CCDC88C: variants seen among roughly 807,000 people sequenced by gnomAD.
CCDC88C encodes protein Daple.
Under a neutral mutation model 198.8 loss-of-function variants are expected in CCDC88C, and 131 were observed. That is an observed-to-expected ratio of 0.66 (90% CI 0.57 to 0.76). The LOEUF is 0.76. Ranked by LOEUF, CCDC88C falls within the 30% of genes least tolerant of loss-of-function variation. The pLI, the probability that CCDC88C is intolerant of heterozygous loss-of-function variation, is 0.00. For missense variants in CCDC88C, 2,553 were observed against 2,631.6 expected, an observed-to-expected ratio of 0.97 and a Z score of 0.65; for synonymous variants, 1,166 against 1,114.7, an observed-to-expected ratio of 1.05 and a Z score of -0.92.
At chr14:91,314,759 A>G (rs904054618) in intron 14 of CCDC88C, among the ~76,000 whole-genome samples, 1 of 152,224 alleles carries the variant, frequency 6.6e-6, no homozygotes, top group Non-Finnish European at 1.5e-5. Context: ...ACATCTGGGC[A>G]GGGCCCTGTC....
Position 91,289,184 on chromosome 14 carries a change from C to T in CCDC88C, c.4362G>A (p.Gln1454=). The change falls in exon 25 of 30, where the codon CAG becomes CAA. Residue 1454 remains glutamine (Q), a synonymous_variant. Coordinates refer to ENST00000389857, the MANE Select transcript of CCDC88C (RefSeq NM_001080414.4). ...GTGCGGGGGTGTCGGGGTTCTCGGC[C>T]TGTGATCTGAGCGGCTGAGAGGCCG... The part of the protein sequence containing the change: ...SPAASQPLRS[Q]AENPDTPALG... The T allele has an allele frequency of 6.2e-7, 1 of 1,613,960 alleles. No homozygotes were observed. Among genetic ancestry groups the T allele is most frequent in the Non-Finnish European group, 8.5e-7 (1 of 1,179,888 alleles).
At chr14:91,384,469 T>C (rs1885003351) in intron 3 of CCDC88C, 1 of 525,654 alleles carries the variant, frequency 1.9e-6, no homozygotes, top group Non-Finnish European at 3.9e-6. Context: ...TGGGTCATAG[T>C]CTGGATCATT....
chr14:91,376,999 CT>C (rs1422411212), intron 3 of CCDC88C, among the ~76,000 whole-genome samples: 47 of 151,998 alleles, frequency 3.1e-4, no homozygotes, highest in South Asian at 1.3e-3. Flanking sequence ...CCCGCCCCCC[CT>C]CCCTAACCAA....
chr14:91,303,844 G>C lies in CCDC88C; in HGVS notation c.3492C>G (p.Tyr1164Ter). Residue 1164 changes from tyrosine (Y) to a stop codon, truncating the protein, a stop_gained, in exon 20 of 30, where the codon TAC (tyrosine) becomes TAG (stop). Transcript: ENST00000389857. LOFTEE classifies it high-confidence loss of function. ...QRQQEQLTAA[Y>*]EALLQDHEHL... ...GCTCGTGGTCCTGCAGCAGGGCCTC[G>C]TAGGCCGCTGTAAGTTGCTCCTGCT... The C allele has an allele frequency of 1.2e-6, 2 of 1,613,166 alleles. No individual in the cohort carries two copies. The highest frequency in any genetic ancestry group is 1.7e-6 in the Non-Finnish European group (2 of 1,179,892).
intron 10 of CCDC88C, among the ~76,000 whole-genome samples, chr14:91,335,725 A>G (rs1893019981): frequency 6.6e-6 from 1 of 152,186 alleles, no homozygotes; most frequent in Admixed American, 6.5e-5. Flanking sequence ...AGGCAAAGTC[A>G]CTCACAATCG....
intron 24 of CCDC88C, 79 bp downstream of exon 24, chr14:91,290,916 G>T: frequency 2.4e-6 from 2 of 847,624 alleles, no homozygotes; most frequent in South Asian, 1.5e-5. Context: ...GCCTGCCCTA[G>T]ATGGCTGCTT....
chr14:91,367,484 G>A (rs1389283576), intron 3 of CCDC88C, among the ~76,000 whole-genome samples: 1 of 152,196 alleles, frequency 6.6e-6, no homozygotes, highest in Non-Finnish European at 1.5e-5. Context: ...CTTCCCTGGT[G>A]CCCAAAGCCG....
intron 13 of CCDC88C, among the ~76,000 whole-genome samples, chr14:91,319,846 C>A (rs1187600159): frequency 6.6e-6 from 1 of 151,724 alleles, no homozygotes; most frequent in Non-Finnish European, 1.5e-5. Flanking sequence ...GCCAACATGG[C>A]AAAACCCCGT....
chr14:91,313,920 C>A lies in CCDC88C; in HGVS notation c.1896G>T (p.Lys632Asn), dbSNP rs1444718839. 1 of 1,612,468 alleles carries A rather than the reference C, an allele frequency of 6.2e-7. No individual in the cohort carries two copies. Among genetic ancestry groups the A allele is most frequent in the Non-Finnish European group, 8.5e-7 (1 of 1,179,816 alleles). Reference protein sequence around the residue: ...QAKEKGERAEKLERELQRLQE... With the variant: ...QAKEKGERAENLERELQRLQE... The stretch of plus-strand genomic sequence containing the variant: ...GGAGTCGCTGTAGCTCCCTCTCCAG[C>A]TTCTCTGCCCGCTCCCCCTTCTCCT... Residue 632 changes from lysine (K) to asparagine (N), a missense_variant, in exon 15 of 30, where the codon AAG (lysine) becomes AAT (asparagine). Physicochemically the swap from Lys to Asn is moderately conservative, Grantham distance 94 (BLOSUM62 0). Coordinates refer to ENST00000389857, the MANE Select transcript of CCDC88C (RefSeq NM_001080414.4). The surrounding 1 kb of genome is among the most constrained non-coding windows in gnomAD (Gnocchi z 5.2).
chr14:91,326,188 A>G, intron 10 of CCDC88C, 132 bp from the exon 11 acceptor site: 1 of 731,598 alleles, frequency 1.4e-6, no homozygotes, highest in Non-Finnish European at 2.2e-6. Flanking sequence ...CGAGGCAGGA[A>G]GTTTTTCCTC....
intron 3 of CCDC88C, among the ~76,000 whole-genome samples, chr14:91,388,713 ACC>A (rs1885299423): frequency 6.6e-6 from 1 of 152,260 alleles, no homozygotes; most frequent in South Asian, 2.1e-4. Flanking sequence ...TGACATTTCA[ACC>A]AAACACAGAC....
chr14:91,297,491 C>T lies in CCDC88C; in HGVS notation c.3780G>A (p.Arg1260=). ...ENQRLRGELD[R]VNFLHHQLKG... is the part of the protein sequence containing the mutation. ...TCAGCTGGTGGTGCAGGAAATTGAC[C>T]CTGGAGGAGGAAGAGTCACAGGGCA... Residue 1260 remains arginine, a splice_region_variant and synonymous_variant, in exon 22 of 30, where the codon AGG becomes AGA. Coordinates refer to ENST00000389857, the MANE Select transcript of CCDC88C (RefSeq NM_001080414.4). 6.4e-7 allele frequency: 1 copy of T among 1,553,742 alleles called. No homozygotes were observed. Among genetic ancestry groups the T allele is most frequent in the Non-Finnish European group, 8.7e-7 (1 of 1,148,118 alleles).
intron 6 of CCDC88C, 95 bp from the exon 7 acceptor site, chr14:91,340,119 C>T (rs1205547594): frequency 2.5e-5 from 37 of 1,505,376 alleles, no homozygotes; most frequent in Non-Finnish European, 3.3e-5. Context: ...ATCAACCTTA[C>T]TAATCCCTCA....
intron 10 of CCDC88C, among the ~76,000 whole-genome samples, chr14:91,334,474 C>T (rs995904546): frequency 1.3e-5 from 2 of 152,150 alleles, no homozygotes; most frequent in African/African-American, 4.8e-5. Flanking sequence ...TCTTGAACTC[C>T]TGGGCTCAAG....
rs370815780 is a variant in CCDC88C at position 91,391,501 on chromosome 14, G to A, written c.270+17158C>T. 1.3e-4 allele frequency among the ~76,000 whole-genome samples: 20 copies of A among 152,224 alleles called. No homozygotes were observed. In the South Asian group the frequency reaches 3.1e-3, roughly 24 times the overall value. ...GCTTTTTAAAAGTCAGAAGTAGGCC[G>A]GGCACAGTGACTCACACCTGTAATC... is the stretch of plus-strand genomic sequence containing the variant. On this transcript the variant is annotated intron_variant, in intron 3 of 29. Coordinates refer to ENST00000389857, the MANE Select transcript of CCDC88C (RefSeq NM_001080414.4).
In CCDC88C at chr14:91,293,557, C is replaced by T. The variant is rs1292475025; in HGVS notation, c.4112+616G>A. Among the ~76,000 whole-genome samples the T allele has an allele frequency of 2.1e-5, 3 of 141,558 alleles. 1 individual carries two copies. The highest frequency in any genetic ancestry group is 2.1e-4 in the Admixed American group (3 of 14,258). 92.9% of individuals were successfully genotyped at this position (141,558 alleles called of 152,430 possible). A position where few individuals can be genotyped will look rare whatever the true frequency, so the allele number is the denominator to read the frequency against. The stretch of plus-strand genomic sequence containing the variant: ...GCCACGGCCCACCTTCCTGTCCCCT[C>T]GCCTGCCACGGCCCACCTTCCTGTC... On this transcript the variant is annotated intron_variant, in intron 23 of 29. Transcript: ENST00000389857.
chr14:91,369,911 G>C (rs546925203), intron 3 of CCDC88C, among the ~76,000 whole-genome samples: 1 of 152,158 alleles, frequency 6.6e-6, no homozygotes, highest in Admixed American at 6.5e-5. Context: ...GGACCAACTC[G>C]GCCCGGCCGA....
At chr14:91,296,125 A>G (rs1228279906) in intron 22 of CCDC88C, among the ~76,000 whole-genome samples, 1 of 152,132 alleles carries the variant, frequency 6.6e-6, no homozygotes, top group African/African-American at 2.4e-5. Context: ...CAGGGAGACG[A>G]ACATGGTTTC....
chr14:91,315,902 G>A, intron 13 of CCDC88C, 115 bp from the exon 14 acceptor site: 1 of 1,067,478 alleles, frequency 9.4e-7, no homozygotes, highest in Non-Finnish European at 1.4e-6. Flanking sequence ...TTTTCTCAAG[G>A]GAAGACCTCC....
Sources: gnomAD v4.1 joint callset for allele counts (sites outside exome capture counted in the v4.1 genomes callset) on GRCh38, gnomAD v4.1.1 for gene constraint, Gnocchi (gnomAD v3.1) non-coding constraint, MANE v1.5 for transcripts, NCBI Gene and HGNC (gene_info 2026-07-23, HGNC 2026-07-21) for gene names.